The following DPYD variants were observed in gnomAD, a reference collection of about 807,000 sequenced individuals.
The protein encoded by DPYD is dihydropyrimidine dehydrogenase.
In DPYD, 109 loss-of-function variants were observed where a neutral mutation model predicts 116.2. That is an observed-to-expected ratio of 0.94 (90% CI 0.80 to 1.10). The LOEUF (loss-of-function observed/expected upper bound fraction) is 1.10, where lower values mean the gene tolerates loss of function less well. Among genes scored for constraint, DPYD ranks in the 50% least tolerant of loss-of-function variants. DPYD has a pLI of 0.00. For synonymous variants in DPYD, 440 were observed against 432.0 expected, an observed-to-expected ratio of 1.02 and a Z score of -0.23; for missense variants, 1,302 against 1,254.5, an observed-to-expected ratio of 1.04 and a Z score of -0.57.
At chr1:97,458,934 C>T (rs1184648372) in intron 13 of DPYD, among the ~76,000 whole-genome samples, 1 of 151,742 alleles carries the variant, frequency 6.6e-6, no homozygotes, top group Non-Finnish European at 1.5e-5. Context: ...TGTGAGCCCA[C>T]AAGAGAAGAA....
At position 97,184,036 on chromosome 1, in the gene DPYD, C is replaced by A. The variant is rs140224429; in HGVS notation, c.2622+9033G>T. Among the ~76,000 whole-genome samples, 5 of 152,120 alleles carry A rather than the reference C, an allele frequency of 3.3e-5. No homozygotes were observed. In the South Asian group the frequency reaches 8.3e-4, roughly 25 times the overall value. ...TGGAGTGTTTAGTTTTCTGTTCCTG[C>A]ATTAGTTTGCTAAAAATAATGGCCT... is the stretch of plus-strand genomic sequence containing the variant. On this transcript the variant is annotated intron_variant, in intron 20 of 22. Transcript: ENST00000370192.
intron 1 of DPYD, among the ~76,000 whole-genome samples, chr1:97,899,441 T>C (rs1673251218): frequency 6.6e-6 from 1 of 151,902 alleles, no homozygotes; most frequent in Non-Finnish European, 1.5e-5. Context: ...GCCTTTTCCC[T>C]TTGTTTCTTT....
rs140392041 is a variant in DPYD at position 97,341,645 on chromosome 1, G to A, written c.2058+31916C>T. On this transcript the variant is annotated intron_variant, in intron 16 of 22. Transcript: ENST00000370192. ...AATTAAGGATCCTTATTTCCTTTAT[G>A]TCAAAGCAGATAATCACGAAGACCT... 1.5e-3 allele frequency among the ~76,000 whole-genome samples: 224 copies of A among 152,242 alleles called. 1 individual carries two copies. Among genetic ancestry groups the A allele is most frequent in the African/African-American group, 5.0e-3 (209 of 41,568 alleles).
At chr1:97,433,961 G>C (rs1031272222) in intron 14 of DPYD, among the ~76,000 whole-genome samples, 1 of 151,818 alleles carries the variant, frequency 6.6e-6, no homozygotes. Context: ...CTTTAATTGT[G>C]TTCATTTCCT....
intron 13 of DPYD, among the ~76,000 whole-genome samples, chr1:97,487,488 A>G (rs1292821742): frequency 6.6e-6 from 1 of 152,106 alleles, no homozygotes; most frequent in Non-Finnish European, 1.5e-5. Context: ...CCTGGCTAAC[A>G]CGGTGAAACC....
intron 13 of DPYD, among the ~76,000 whole-genome samples, chr1:97,511,807 C>T (rs550467818): frequency 2.6e-5 from 4 of 152,002 alleles, no homozygotes; most frequent in African/African-American, 4.8e-5. Context: ...CCGATTTTTA[C>T]GTATCTTCTT....
At chr1:97,727,768 G>T (rs1663355905) in intron 4 of DPYD, among the ~76,000 whole-genome samples, 2 of 151,832 alleles carry the variant, frequency 1.3e-5, no homozygotes, top group Non-Finnish European at 2.9e-5. Flanking sequence ...AACCTATTAG[G>T]AGGGGAACAC....
At chr1:97,675,302 G>A (rs375141228) in intron 8 of DPYD, among the ~76,000 whole-genome samples, 5 of 152,276 alleles carry the variant, frequency 3.3e-5, no homozygotes, top group African/African-American at 1.2e-4. Flanking sequence ...CTGTCCAGGT[G>A]CTCTGATTTC....
In DPYD at chr1:97,679,166, C is replaced by T. The variant is rs1373359205; in HGVS notation, c.779G>A (p.Ser260Asn). ...DLGVKIICGK[S>N]LSVNEMTLST... ...AAGAGTCATTTCATTCACTGAAAGG[C>T]TTTTACCGCAAATTATCTATAAGAA... is the stretch of plus-strand genomic sequence containing the variant. Residue 260 changes from serine (S) to asparagine (N), a missense_variant, in exon 8 of 23, where the codon AGC (serine) becomes AAC (asparagine). By Grantham distance (46) the Ser-to-Asn change is conservative. Coordinates refer to ENST00000370192, the MANE Select transcript of DPYD (RefSeq NM_000110.4). The T allele has an allele frequency of 1.3e-6, 2 of 1,575,782 alleles. No homozygotes were observed. The highest frequency in any genetic ancestry group is 4.5e-5 in the East Asian group (2 of 44,394).
chr1:97,229,527 C>T (rs1197965610), intron 19 of DPYD, among the ~76,000 whole-genome samples: 1 of 137,842 alleles, frequency 7.3e-6, no homozygotes, highest in African/African-American at 2.7e-5. Flanking sequence ...AAATATTTCC[C>T]ACCTTATGAC....
intron 5 of DPYD, among the ~76,000 whole-genome samples, chr1:97,712,540 A>C (rs1271709905): frequency 6.6e-6 from 1 of 152,050 alleles, no homozygotes; most frequent in Non-Finnish European, 1.5e-5. Flanking sequence ...TAAGTCTTTA[A>C]ATTATCACTA....
intron 14 of DPYD, among the ~76,000 whole-genome samples, chr1:97,436,737 C>T (rs1675493411): frequency 6.6e-6 from 1 of 151,982 alleles, no homozygotes; most frequent in Non-Finnish European, 1.5e-5. Flanking sequence ...ATATTTCTTT[C>T]ATTTCTTAAT....
intron 16 of DPYD, among the ~76,000 whole-genome samples, chr1:97,312,269 C>A (rs1207373488): frequency 2.6e-5 from 4 of 151,852 alleles, no homozygotes. Context: ...GATAATATCC[C>A]TCTTTGCTGA....
chr1:97,790,663 G>T (rs560460848), intron 3 of DPYD, among the ~76,000 whole-genome samples: 3 of 152,174 alleles, frequency 2.0e-5, no homozygotes, highest in South Asian at 2.1e-4. Context: ...TCACCATTTG[G>T]ATATTATTTC....
At chr1:97,265,825 T>A (rs1664192445) in intron 18 of DPYD, among the ~76,000 whole-genome samples, 1 of 152,102 alleles carries the variant, frequency 6.6e-6, no homozygotes, top group South Asian at 2.1e-4. Context: ...TACTCATAAG[T>A]TAGAAAATTT....
At chr1:97,811,134 C>A (rs561889762) in intron 3 of DPYD, among the ~76,000 whole-genome samples, 13 of 152,138 alleles carry the variant, frequency 8.5e-5, no homozygotes, top group African/African-American at 1.2e-4. Context: ...TCAAATCTTC[C>A]TATAATTTGT....
At chr1:97,220,107 A>G (rs1242675297) in intron 19 of DPYD, among the ~76,000 whole-genome samples, 1 of 151,904 alleles carries the variant, frequency 6.6e-6, no homozygotes, top group Non-Finnish European at 1.5e-5. Flanking sequence ...TTGAAACTCA[A>G]TCTCCAATGT....
At chr1:97,755,854 C>T (rs1665197893) in intron 3 of DPYD, among the ~76,000 whole-genome samples, 1 of 152,106 alleles carries the variant, frequency 6.6e-6, no homozygotes, top group Non-Finnish European at 1.5e-5. Context: ...GGAACAGTTC[C>T]TGCCATTAAT....
At chr1:97,508,808 A>G (rs1416151822) in intron 13 of DPYD, among the ~76,000 whole-genome samples, 1 of 151,956 alleles carries the variant, frequency 6.6e-6, no homozygotes. Context: ...CCATGCTGTT[A>G]CAACCTGATC....
Sources: allele counts gnomAD v4.1 joint callset (sites outside exome capture counted in the v4.1 genomes callset), GRCh38; gene constraint gnomAD v4.1.1; transcripts MANE v1.5; gene names NCBI Gene and HGNC (gene_info 2026-07-23, HGNC 2026-07-21).